ST3GAL3: variants seen among roughly 807,000 people sequenced by gnomAD.
ST3GAL3 encodes ST3 beta-galactoside alpha-2,3-sialyltransferase 3.
ST3GAL3 carries 21 observed loss-of-function variants against 50.1 expected under a neutral mutation model. The observed-to-expected ratio is 0.42, with a 90% CI of 0.30 to 0.60. ST3GAL3 has a LOEUF of 0.60. Ranked by LOEUF, ST3GAL3 falls within the 20% of genes least tolerant of loss-of-function variation. The pLI, the probability that ST3GAL3 is intolerant of heterozygous loss-of-function variation, is 0.19. For synonymous variants in ST3GAL3, 183 were observed against 190.0 expected, an observed-to-expected ratio of 0.96 and a Z score of 0.30; for missense variants, 353 against 489.4, an observed-to-expected ratio of 0.72 and a Z score of 2.63.
intron 3 of ST3GAL3, among the ~76,000 whole-genome samples, chr1:43,813,909 A>ACG (rs1457951875): frequency 2.4e-4 from 24 of 99,534 alleles, no homozygotes; most frequent in African/African-American, 7.6e-4. Context: ...ACACGCACAC[A>ACG]CACACACACA....
intron 5 of ST3GAL3, among the ~76,000 whole-genome samples, chr1:43,876,223 T>C (rs2906455): frequency 0.91 from 137,909 of 152,172 alleles, 62,723 homozygotes; most frequent in African/African-American, 0.97. Flanking sequence ...CTCGGCCTCC[T>C]AAAGTACTGG....
intron 2 of ST3GAL3, among the ~76,000 whole-genome samples, chr1:43,767,314 A>G (rs1344986333): frequency 6.6e-6 from 1 of 152,112 alleles, no homozygotes; most frequent in Non-Finnish European, 1.5e-5. Flanking sequence ...AAACCAGGGG[A>G]AGATGGATGT....
At chr1:43,741,096 G>A (rs1680735960) in intron 2 of ST3GAL3, among the ~76,000 whole-genome samples, 1 of 152,182 alleles carries the variant, frequency 6.6e-6, no homozygotes, top group Non-Finnish European at 1.5e-5. Flanking sequence ...GGAGGCTGAA[G>A]TGGAAGGATT....
intron 2 of ST3GAL3, chr1:43,738,674 C>G (rs556583935): frequency 6.6e-6 from 1 of 151,932 alleles, no homozygotes; most frequent in Non-Finnish European, 1.5e-5. Flanking sequence ...ATTTTTGTGT[C>G]TTTTGTAGAG....
intron 4 of ST3GAL3, among the ~76,000 whole-genome samples, chr1:43,831,004 A>C (rs933441425): frequency 1.3e-5 from 2 of 152,236 alleles, no homozygotes; most frequent in Non-Finnish European, 2.9e-5. Context: ...TTCAAAGGGC[A>C]CTGTGACCCA....
At chr1:43,739,242 G>A (rs773040665) in intron 2 of ST3GAL3, 3 of 152,010 alleles carry the variant, frequency 2.0e-5, no homozygotes, top group Non-Finnish European at 4.4e-5. Context: ...TTTGTTTTTG[G>A]CACAGGGTCT....
At chr1:43,908,629 CTTT>C (rs540408145) in intron 9 of ST3GAL3, among the ~76,000 whole-genome samples, 131 of 140,648 alleles carry the variant, frequency 9.3e-4, no homozygotes, top group African/African-American at 3.3e-3. Flanking sequence ...CCTTGCCACT[CTTT>C]TTTTTTTTTT....
At chr1:43,850,883 C>A (rs896973749) in intron 5 of ST3GAL3, 2 of 1,256,190 alleles carry the variant, frequency 1.6e-6, no homozygotes, top group Non-Finnish European at 2.3e-6. Flanking sequence ...TGATGAGAGA[C>A]TCCAGGTTGT....
rs1357723262 is a variant in ST3GAL3, at chr1:43,878,882, A to G, written c.303-15501A>G. On this transcript the variant is annotated intron_variant, in intron 5 of 11. Coordinates refer to ENST00000347631, the MANE Select transcript of ST3GAL3 (RefSeq NM_006279.5). ...CACCTTTTATGCTAGGCACAATTCT[A>G]AGTACTGGGGGGCATGACAGTGAAC... 5.5e-5 allele frequency: 19 copies of G among 347,996 alleles called. 1 individual carries two copies. The highest frequency in any genetic ancestry group is 4.1e-4 in the South Asian group (18 of 43,608). The allele number at this position is 347,996 out of a possible 1,614,324, so 21.6% of individuals were successfully genotyped here. A position where few individuals can be genotyped will look rare whatever the true frequency, so the allele number is the denominator to read the frequency against.
intron 4 of ST3GAL3, among the ~76,000 whole-genome samples, chr1:43,823,657 G>A (rs1290487273): frequency 6.6e-6 from 1 of 151,972 alleles, no homozygotes; most frequent in Non-Finnish European, 1.5e-5. Context: ...CTTGTTTATT[G>A]TCTGTCTCCA....
chr1:43,777,329 A>C (rs1194255229), intron 2 of ST3GAL3, among the ~76,000 whole-genome samples: 3 of 152,192 alleles, frequency 2.0e-5, no homozygotes, highest in African/African-American at 4.8e-5. Flanking sequence ...AGACAATCCT[A>C]AGCAAAAAGA....
At chr1:43,890,895 A>C (rs935995876) in intron 5 of ST3GAL3, among the ~76,000 whole-genome samples, 3 of 152,092 alleles carry the variant, frequency 2.0e-5, no homozygotes, top group Non-Finnish European at 4.4e-5. Context: ...GAACATGCTC[A>C]ACAATATCCG....
chr1:43,855,676 T>G (rs955851169), intron 5 of ST3GAL3, among the ~76,000 whole-genome samples: 1 of 151,846 alleles, frequency 6.6e-6, no homozygotes, highest in Admixed American at 6.6e-5. Flanking sequence ...CCAAAAACTC[T>G]AAAACCCTGA....
At position 43,899,842 on chromosome 1, in the gene ST3GAL3, T is replaced by A; in HGVS notation, c.744+115T>A. 1 of 1,143,520 alleles carries A rather than the reference T, an allele frequency of 8.7e-7. No individual in the cohort carries two copies. Among genetic ancestry groups the A allele is most frequent in the Non-Finnish European group, 1.3e-6 (1 of 778,666 alleles). The allele number at this position is 1,143,520 out of a possible 1,614,324, so 70.8% of individuals were successfully genotyped here. ...GAGTAAGAACCTTCAAAGGAAACAT[T>A]AATGACCCAAAGCCGAAATCACCCA... is the stretch of plus-strand genomic sequence containing the variant. On this transcript the variant is annotated intron_variant, in intron 9 of 11. Transcript: ENST00000347631. The surrounding 1 kb of genome is among the most constrained non-coding windows in gnomAD (Gnocchi z 5.4).
rs139000151 is a variant in ST3GAL3 at position 43,767,952 on chromosome 1, A to G, written c.119-24150A>G. On this transcript the variant is annotated intron_variant, in intron 2 of 11. Coordinates refer to ENST00000347631, the MANE Select transcript of ST3GAL3 (RefSeq NM_006279.5). ...AAATAACCGAAGGTTGAAAAAAATTAGTAATCTAAACATCAATTTCAAGAA... is the reference window on the plus strand; with the variant it reads ...AAATAACCGAAGGTTGAAAAAAATTGGTAATCTAAACATCAATTTCAAGAA... 7.7e-4 allele frequency among the ~76,000 whole-genome samples: 118 copies of G among 152,324 alleles called. 1 individual carries two copies. In the East Asian group the frequency reaches 0.022, roughly 29 times the overall value.
chr1:43,796,397 A>C (rs779215442), intron 3 of ST3GAL3, among the ~76,000 whole-genome samples: 1 of 152,190 alleles, frequency 6.6e-6, no homozygotes, highest in Non-Finnish European at 1.5e-5. Context: ...TTATTTATGG[A>C]CTTCAGGATA....
chr1:43,724,969 G>C (rs1025470399), intron 1 of ST3GAL3, among the ~76,000 whole-genome samples: 2 of 152,070 alleles, frequency 1.3e-5, no homozygotes, highest in African/African-American at 4.8e-5. Flanking sequence ...GAAGAGAGAA[G>C]TCAGAAGTCC....
At chr1:43,885,684 A>AAC (rs977354472) in intron 5 of ST3GAL3, among the ~76,000 whole-genome samples, 10 of 152,076 alleles carry the variant, frequency 6.6e-5, no homozygotes, top group African/African-American at 1.9e-4. Context: ...CTGCATAATT[A>AAC]ACACACACAC....
At chr1:43,788,042 C>T (rs1354438122) in intron 2 of ST3GAL3, among the ~76,000 whole-genome samples, 1 of 152,120 alleles carries the variant, frequency 6.6e-6, no homozygotes, top group Admixed American at 6.5e-5. Context: ...AATCCTAGAG[C>T]GGGATTCAGA....
Sources: allele counts gnomAD v4.1 joint callset (sites outside exome capture counted in the v4.1 genomes callset), GRCh38; gene constraint gnomAD v4.1.1; non-coding constraint Gnocchi (gnomAD v3.1); transcripts MANE v1.5; gene names NCBI Gene and HGNC (gene_info 2026-07-23, HGNC 2026-07-21).